Variants in CCDC9 observed in about 807,000 individuals in gnomAD.
CCDC9 encodes coiled-coil domain-containing protein 9.
In CCDC9, 52 loss-of-function variants were observed where a neutral mutation model predicts 65.6. The observed-to-expected ratio is 0.79, with a 90% CI of 0.63 to 1.00. The LOEUF (loss-of-function observed/expected upper bound fraction) is 1.00. Among genes scored for constraint, CCDC9 ranks in the 50% least tolerant of loss-of-function variants. The pLI is 0.00. For missense variants in CCDC9, 834 were observed against 757.2 expected (o/e 1.10, Z -1.19); for synonymous variants, 332 against 280.3 (o/e 1.18, Z -1.84).
chr19:47,275,084 G>C, downstream of CCDC9: 2 of 1,495,946 alleles, frequency 1.3e-6, no homozygotes, highest in African/African-American at 2.9e-5. Flanking sequence ...GTCTCATCTG[G>C]GTACCCACGC....
intron 5 of CCDC9, among the ~76,000 whole-genome samples, chr19:47,262,223 T>G (rs192548131): frequency 0.015 from 2,201 of 148,158 alleles, 88 homozygotes; most frequent in African/African-American, 0.053. Context: ...TTTTTTTTTT[T>G]TTTTTTTTCT....
downstream of CCDC9, chr19:47,271,957 C>G: frequency 1.6e-6 from 2 of 1,287,888 alleles, no homozygotes; most frequent in Non-Finnish European, 2.0e-6. Context: ...CCTCCAATGA[C>G]ATTCCCCCAG....
intron 8 of CCDC9, among the ~76,000 whole-genome samples, chr19:47,270,040 C>G (rs2059105260): frequency 6.6e-6 from 1 of 151,696 alleles, no homozygotes; most frequent in Admixed American, 6.6e-5. Context: ...TTGATTACTG[C>G]TCACTGCAGC....
rs760327682 is a variant in CCDC9, at chr19:47,271,335, G to A, written c.1253G>A (p.Gly418Glu). 9 of 1,612,952 alleles carry A rather than the reference G, an allele frequency of 5.6e-6. No individual in the cohort carries two copies. Among genetic ancestry groups the A allele is most frequent in the Non-Finnish European group, 7.6e-6 (9 of 1,179,540 alleles). Residue 418 changes from glycine to glutamate, a missense_variant, in exon 12 of 12, where the codon GGG (glycine) becomes GAG (glutamate). Gly to Glu is a moderately conservative substitution (Grantham distance 98). Transcript: ENST00000221922. ...GAAGACGAGGGGGAAGAGAATGAGG[G>A]GGAAGAGGATGAAGAATGGGAGGAC... ...PPEDEGEENE[G>E]EEDEEWEDIS...
chr19:47,264,468 G>C (rs1480945630), intron 5 of CCDC9, 135 bp from the exon 6 acceptor site: 1 of 793,658 alleles, frequency 1.3e-6, no homozygotes, highest in African/African-American at 1.7e-5. Flanking sequence ...CCTGGAGCAC[G>C]CTGAGAGCAA....
intron 5 of CCDC9, among the ~76,000 whole-genome samples, chr19:47,263,083 G>C (rs1488625546): frequency 6.6e-6 from 1 of 151,056 alleles, no homozygotes; most frequent in Non-Finnish European, 1.5e-5. Context: ...CTGGGCAACA[G>C]AGTAAGACCC....
At chr19:47,256,749 G>C (rs1233887449) in intron 1 of CCDC9, 140 bp downstream of exon 1, 2 of 148,982 alleles carry the variant, frequency 1.3e-5, no homozygotes, top group Non-Finnish European at 3.0e-5. Flanking sequence ...TGGGAAGCTG[G>C]AGGGGCGCTG....
chr19:47,271,776 G>A lies in CCDC9; in HGVS notation c.*98G>A, dbSNP rs373491226. ...GCGCGCGCGCTAGAGGGGTGTGGCT[G>A]GTGGGGGACCCTTGGGGCTGGGCCC... On this transcript the variant is annotated 3_prime_UTR_variant, in exon 12 of 12. Transcript: ENST00000221922. The A allele has an allele frequency of 1.6e-5, 24 of 1,466,362 alleles. No individual in the cohort carries two copies. In the African/African-American group the frequency reaches 2.5e-4, roughly 16 times the overall value. The allele number at this position is 1,466,362 out of a possible 1,614,324, so 90.8% of individuals were successfully genotyped here. A position where few individuals can be genotyped will look rare whatever the true frequency, so the allele number is the denominator to read the frequency against.
At chr19:47,273,343 C>T (rs1231397349), downstream of CCDC9, 5 of 1,230,748 alleles carry the variant, frequency 4.1e-6, no homozygotes, top group Non-Finnish European at 5.1e-6. Flanking sequence ...TGACTCAGCC[C>T]CTTCTCTCCT....
chr19:47,270,874 CCT>C (rs1251306306), intron 10 of CCDC9, among the ~76,000 whole-genome samples, 186 bp downstream of exon 10: 3 of 152,114 alleles, frequency 2.0e-5, no homozygotes, highest in Admixed American at 6.6e-5. Context: ...TCATCTGTCC[CCT>C]TTCTGCCGTC....
At chr19:47,275,247 C>T, downstream of CCDC9, 1 of 1,538,910 alleles carries the variant, frequency 6.5e-7, no homozygotes, top group Non-Finnish European at 8.8e-7. Flanking sequence ...GCTCCAGCTG[C>T]CGCTGAGCCG....
chr19:47,273,246 G>C (rs2059134679), downstream of CCDC9: 3 of 587,220 alleles, frequency 5.1e-6, no homozygotes, highest in Non-Finnish European at 7.5e-6. Context: ...GCCTGCTGTG[G>C]CAAGGGCTCG....
At chr19:47,265,975 C>G (rs1299885890) in intron 7 of CCDC9, among the ~76,000 whole-genome samples, 1 of 137,136 alleles carries the variant, frequency 7.3e-6, no homozygotes, top group Non-Finnish European at 1.5e-5. Flanking sequence ...CGTGAGCCAC[C>G]GCTCCTGGCT....
rs770773532 is a variant in CCDC9 at position 47,260,574 on chromosome 19, C to T, written c.211-14C>T. The T allele has an allele frequency of 6.5e-7, 1 of 1,533,948 alleles. No homozygotes were observed. Among genetic ancestry groups the T allele is most frequent in the Non-Finnish European group, 8.7e-7 (1 of 1,147,726 alleles). On this transcript the variant is annotated splice_polypyrimidine_tract_variant and intron_variant, in intron 4 of 11. Transcript: ENST00000221922. Reference sequence around the variant, plus strand: ...GCCCCAGTGACTGTATTTTCCCCATCTCCCCTCTTCCAGGAGAAGAACCTG... The same window carrying T: ...GCCCCAGTGACTGTATTTTCCCCATTTCCCCTCTTCCAGGAGAAGAACCTG...
intron 8 of CCDC9, among the ~76,000 whole-genome samples, chr19:47,267,922 A>G (rs1383681841): frequency 1.3e-5 from 2 of 151,038 alleles, no homozygotes; most frequent in African/African-American, 2.4e-5. Context: ...ATCTCGGCTC[A>G]CTGCAACCTC....
downstream of CCDC9, among the ~76,000 whole-genome samples, chr19:47,272,567 A>T (rs1204010503): frequency 2.0e-5 from 3 of 152,056 alleles, no homozygotes; most frequent in Non-Finnish European, 2.9e-5. Flanking sequence ...GGCTGCAGTG[A>T]GCCGAGATCG....
Position 47,271,631 on chromosome 19 carries a change from G to C in CCDC9, c.1549G>C (p.Ala517Pro), listed in dbSNP as rs2059118676. The C allele has an allele frequency of 6.2e-7, 1 of 1,607,590 alleles. No homozygotes were observed. The highest frequency in any genetic ancestry group is 1.3e-5 in the African/African-American group (1 of 74,666). The change falls in exon 12 of 12, where the codon GCT becomes CCT. Residue 517 changes from alanine to proline, a missense_variant. Coordinates refer to ENST00000221922, the MANE Select transcript of CCDC9 (RefSeq NM_015603.3). Reference protein sequence around the residue: ...ELNSPRTTHLAGALSPGEAWP... With the variant: ...ELNSPRTTHLPGALSPGEAWP... ...GAATTCTCCCCGGACCACTCACCTG[G>C]CTGGCGCCCTCTCCCCGGGTGAGGC...
downstream of CCDC9, chr19:47,274,795 A>G (rs2059145687): frequency 4.6e-6 from 2 of 437,390 alleles, no homozygotes; most frequent in South Asian, 1.4e-4. Context: ...GGGCGTGACC[A>G]TGCTGGCGGG....
At position 47,260,599 on chromosome 19, in the gene CCDC9, G is replaced by C. The variant is rs1482257135; in HGVS notation, c.222G>C (p.Leu74=). 19 of 1,529,116 alleles carry C rather than the reference G, an allele frequency of 1.2e-5. No individual in the cohort carries two copies. The highest frequency in any genetic ancestry group is 1.7e-5 in the Non-Finnish European group (19 of 1,146,816). The allele number at this position is 1,529,116 out of a possible 1,614,324, so 94.7% of individuals were successfully genotyped here. Reference sequence around the variant, plus strand: ...CTCCCCTCTTCCAGGAGAAGAACCTGGGTCCTTCCCGGAGGTCTCCTGGGA... The same window carrying C: ...CTCCCCTCTTCCAGGAGAAGAACCTCGGTCCTTCCCGGAGGTCTCCTGGGA... ...ENVAVESEKN[L]GPSRRSPGTP... Residue 74 remains leucine, a synonymous_variant, in exon 5 of 12, where the codon CTG becomes CTC. Coordinates refer to ENST00000221922, the MANE Select transcript of CCDC9 (RefSeq NM_015603.3).
Sources: gnomAD v4.1 joint callset for allele counts (sites outside exome capture counted in the v4.1 genomes callset) on GRCh38, gnomAD v4.1.1 for gene constraint, MANE v1.5 for transcripts, NCBI Gene and HGNC (gene_info 2026-07-23, HGNC 2026-07-21) for gene names.